ADGRL2: variants seen among roughly 807,000 people sequenced by gnomAD.
ADGRL2 encodes the protein calcium-independent alpha-latrotoxin receptor 2.
In ADGRL2, 44 loss-of-function variants were observed where a neutral mutation model predicts 157.4. That is an observed-to-expected ratio of 0.28 (90% CI 0.22 to 0.36). The LOEUF (loss-of-function observed/expected upper bound fraction) is 0.36, where lower values mean the gene tolerates loss of function less well. Among genes scored for constraint, ADGRL2 ranks in the 10% least tolerant of loss-of-function variants. ADGRL2 has a pLI of 1.00. For missense variants in ADGRL2, 1,510 were observed against 1,768.9 expected, an observed-to-expected ratio of 0.85 and a Z score of 2.63; for synonymous variants, 585 against 624.7, an observed-to-expected ratio of 0.94 and a Z score of 0.95.
chr1:81,428,458 T>G (rs2077259634), intron 1 of ADGRL2, among the ~76,000 whole-genome samples: 1 of 152,114 alleles, frequency 6.6e-6, no homozygotes, highest in Admixed American at 6.5e-5. Context: ...TAAGACAAAC[T>G]GACAGATTAA....
Position 81,383,268 on chromosome 1 carries a change from C to G in ADGRL2, c.-301-61768C>G, listed in dbSNP as rs940652021. On this transcript the variant is annotated intron_variant, in intron 1 of 24. Coordinates refer to the ADGRL2 transcript ENST00000370721. The stretch of plus-strand genomic sequence containing the variant: ...TTTCCTGTGTATAAAAGTGATAGAC[C>G]TGAGCTGGTTCCACTGAAACATCTC... Among the ~76,000 whole-genome samples, 3 of 152,016 alleles carry G rather than the reference C, an allele frequency of 2.0e-5. No homozygotes were observed. In the South Asian group the frequency reaches 6.2e-4, roughly 32 times the overall value.
intron 3 of ADGRL2, among the ~76,000 whole-genome samples, chr1:81,666,053 TAAGC>T (rs910673517): frequency 6.6e-6 from 1 of 152,064 alleles, no homozygotes; most frequent in Admixed American, 6.5e-5. Flanking sequence ...AACAAATAGA[TAAGC>T]AAGCACAATC....
intron 1 of ADGRL2, among the ~76,000 whole-genome samples, chr1:81,442,035 T>C (rs1367184250): frequency 6.6e-6 from 1 of 152,164 alleles, no homozygotes; most frequent in African/African-American, 2.4e-5. Context: ...AGTCTCACTA[T>C]GTTCCCCAGG....
At chr1:81,623,328 T>C (rs1259069638) in intron 3 of ADGRL2, among the ~76,000 whole-genome samples, 2 of 152,224 alleles carry the variant, frequency 1.3e-5, no homozygotes, top group Non-Finnish European at 2.9e-5. Context: ...ATAAGTGTGA[T>C]AGAAGATTTA....
chr1:81,548,773 G>C (rs6693782), intron 2 of ADGRL2, among the ~76,000 whole-genome samples: 3 of 152,032 alleles, frequency 2.0e-5, no homozygotes, highest in African/African-American at 7.2e-5. Flanking sequence ...AAAAACTTTC[G>C]TGAGTCCCAA....
chr1:81,978,252 G>A (rs557318601), intron 17 of ADGRL2, among the ~76,000 whole-genome samples: 1 of 151,582 alleles, frequency 6.6e-6, no homozygotes, highest in East Asian at 1.9e-4. Flanking sequence ...ATCCTTGTAC[G>A]GAACAAGGTC....
At chr1:81,388,302 A>T (rs2076473983) in intron 1 of ADGRL2, among the ~76,000 whole-genome samples, 1 of 152,168 alleles carries the variant, frequency 6.6e-6, no homozygotes, top group South Asian at 2.1e-4. Flanking sequence ...CAGAGAGAAT[A>T]TATGTTGATT....
At chr1:81,785,971 G>C (rs1165282196) in intron 2 of ADGRL2, among the ~76,000 whole-genome samples, 3 of 152,040 alleles carry the variant, frequency 2.0e-5, no homozygotes, top group East Asian at 3.9e-4. Flanking sequence ...TGGGTGTGCT[G>C]GTGCATCCCT....
intron 2 of ADGRL2, among the ~76,000 whole-genome samples, chr1:81,552,037 T>TA (rs1441466530): frequency 6.6e-5 from 10 of 152,198 alleles, no homozygotes; most frequent in Admixed American, 6.5e-4. Context: ...AATCTGCCTT[T>TA]ATTTGGCCTG....
At chr1:81,972,223 A>C (rs1658964011) in intron 17 of ADGRL2, among the ~76,000 whole-genome samples, 1 of 152,094 alleles carries the variant, frequency 6.6e-6, no homozygotes, top group Admixed American at 6.5e-5. Flanking sequence ...ATGTCAGAAA[A>C]GTGAAAGAAT....
At chr1:81,345,109 A>G (rs1025801644) in intron 1 of ADGRL2, among the ~76,000 whole-genome samples, 3 of 152,236 alleles carry the variant, frequency 2.0e-5, no homozygotes, top group Non-Finnish European at 4.4e-5. Flanking sequence ...GCTACATGGC[A>G]TCTGGCTTCT....
chr1:81,420,812 A>G (rs2077110728), intron 1 of ADGRL2, among the ~76,000 whole-genome samples: 1 of 152,120 alleles, frequency 6.6e-6, no homozygotes, highest in Non-Finnish European at 1.5e-5. Context: ...TTCCCTCCCT[A>G]ATAGCAGCTG....
At chr1:81,424,342 G>A (rs981986175) in intron 1 of ADGRL2, among the ~76,000 whole-genome samples, 2 of 152,216 alleles carry the variant, frequency 1.3e-5, no homozygotes, top group Non-Finnish European at 2.9e-5. Context: ...ATGTTCGTCT[G>A]TAAAACAACA....
intron 17 of ADGRL2, among the ~76,000 whole-genome samples, chr1:81,973,535 A>G (rs1424376619): frequency 1.3e-5 from 2 of 152,366 alleles, no homozygotes; most frequent in South Asian, 2.1e-4. Flanking sequence ...ATCTGTGAAG[A>G]TAAGTACTGA....
At position 81,839,852 on chromosome 1, in the gene ADGRL2, T is replaced by TATATATATGTTTTCCATC. The variant is rs1557748453; in HGVS notation, c.73+2803_73+2804insGTTTTCCATCATATATAT. ...CATCATATATATATGTTTTCCATCA[T>TATATATATGTTTTCCATC]ATATATATATATTTTCCATCATATA... On this transcript the variant is annotated intron_variant, in intron 2 of 23. Coordinates refer to ENST00000686636, the MANE Select transcript of ADGRL2 (RefSeq NM_001366006.2). Among the ~76,000 whole-genome samples, 23 of 14,374 alleles carry TATATATATGTTTTCCATC rather than the reference T, an allele frequency of 1.6e-3. 1 individual carries two copies. Among genetic ancestry groups the TATATATATGTTTTCCATC allele is most frequent in the South Asian group, 5.5e-3 (3 of 546 alleles). 9.4% of individuals were successfully genotyped at this position (14,374 alleles called of 152,430 possible). A position where few individuals can be genotyped will look rare whatever the true frequency, so the allele number is the denominator to read the frequency against.
intron 3 of ADGRL2, among the ~76,000 whole-genome samples, chr1:81,652,585 C>G (rs1045262368): frequency 2.0e-5 from 3 of 152,026 alleles, no homozygotes. Flanking sequence ...TAAAAATATA[C>G]AAACCATATG....
chr1:81,637,162 G>A (rs1489265363), intron 3 of ADGRL2, among the ~76,000 whole-genome samples: 27 of 152,090 alleles, frequency 1.8e-4, no homozygotes, highest in Admixed American at 1.8e-3. Context: ...TTCAAGTTGG[G>A]AAGCACTGCA....
At chr1:81,606,497 GCACACA>G (rs59187962) in intron 3 of ADGRL2, among the ~76,000 whole-genome samples, 1 of 149,294 alleles carries the variant, frequency 6.7e-6, no homozygotes, top group Admixed American at 6.7e-5. Flanking sequence ...TCATGCACAT[GCACACA>G]CACACACACA....
chr1:81,806,049 C>T (rs187971643), intron 1 of ADGRL2, among the ~76,000 whole-genome samples: 1 of 152,122 alleles, frequency 6.6e-6, no homozygotes, highest in Admixed American at 6.5e-5. Flanking sequence ...CACTGGGTTA[C>T]TATGTGTTGG....
Sources: allele counts gnomAD v4.1 joint callset (sites outside exome capture counted in the v4.1 genomes callset), GRCh38; gene constraint gnomAD v4.1.1; transcripts MANE v1.5; gene names NCBI Gene and HGNC (gene_info 2026-07-23, HGNC 2026-07-21).